CUL1: variants seen among roughly 807,000 people sequenced by gnomAD.
CUL1 encodes the protein cullin 1.
A neutral mutation model predicts 118.0 loss-of-function variants in CUL1; 24 were observed. That is an observed-to-expected ratio of 0.20 (90% CI 0.15 to 0.29). The LOEUF is 0.29. CUL1 is among the 10% of genes least tolerant of loss of function. CUL1 has a pLI of 1.00. For missense variants in CUL1, 361 were observed against 933.8 expected (o/e 0.39, Z 7.99); for synonymous variants, 332 against 340.4 (o/e 0.98, Z 0.27).
intron 11 of CUL1, among the ~76,000 whole-genome samples, chr7:148,784,687 A>G (rs1800760097): frequency 6.6e-6 from 1 of 152,218 alleles, no homozygotes; most frequent in Non-Finnish European, 1.5e-5. Flanking sequence ...TAAGTTTTAA[A>G]GATTTTAATG....
Position 148,729,106 on chromosome 7 carries a change from C to T in CUL1, c.-161-856C>T, listed in dbSNP as rs530023227. ...TGCATTGAGAAGTATTGGTTTGATA[C>T]AATATTGAATACCTAAGTTACTTTA... is the stretch of plus-strand genomic sequence containing the variant. On this transcript the variant is annotated intron_variant, in intron 1 of 21. Transcript: ENST00000325222. 1.1e-4 allele frequency among the ~76,000 whole-genome samples: 17 copies of T among 152,260 alleles called. No individual in the cohort carries two copies. In the South Asian group the frequency reaches 2.3e-3, roughly 20 times the overall value.
At chr7:148,754,268 G>A in intron 3 of CUL1, 118 bp downstream of exon 3, 1 of 654,088 alleles carries the variant, frequency 1.5e-6, no homozygotes, top group Non-Finnish European at 2.5e-6. Context: ...CACTAACGTA[G>A]GTGACAGTGT....
intron 7 of CUL1, among the ~76,000 whole-genome samples, chr7:148,764,004 G>A (rs556025181): frequency 6.6e-6 from 1 of 151,518 alleles, no homozygotes; most frequent in East Asian, 1.9e-4. Context: ...AGTGAACCAT[G>A]TTAGTGTTTC....
intron 7 of CUL1, among the ~76,000 whole-genome samples, chr7:148,765,905 A>G (rs1286122750): frequency 6.6e-6 from 1 of 152,194 alleles, no homozygotes; most frequent in East Asian, 1.9e-4. Context: ...CAGAAGATGC[A>G]TTCATTTCTT....
At chr7:148,755,845 G>GT (rs1192508935) in intron 3 of CUL1, among the ~76,000 whole-genome samples, 1 of 152,162 alleles carries the variant, frequency 6.6e-6, no homozygotes, top group Non-Finnish European at 1.5e-5. Context: ...GGTCACTCGT[G>GT]TACCTTATAC....
At chr7:148,750,610 C>T (rs564122008) in intron 2 of CUL1, among the ~76,000 whole-genome samples, 1 of 152,170 alleles carries the variant, frequency 6.6e-6, no homozygotes, top group South Asian at 2.1e-4. Flanking sequence ...TCATCCATGT[C>T]CGTGGTAAAG....
intron 2 of CUL1, among the ~76,000 whole-genome samples, chr7:148,745,878 A>G (rs1227787962): frequency 6.6e-6 from 1 of 152,010 alleles, no homozygotes; most frequent in East Asian, 1.9e-4. Context: ...TTCAATTTAG[A>G]TATACGTTGA....
At chr7:148,710,701 T>C (rs1798023614) in intron 1 of CUL1, among the ~76,000 whole-genome samples, 1 of 151,992 alleles carries the variant, frequency 6.6e-6, no homozygotes, top group Admixed American at 6.5e-5. Context: ...TGTTGTCTCC[T>C]AGGCTGGAGT....
chr7:148,796,511 A>G (rs6946300), intron 17 of CUL1, among the ~76,000 whole-genome samples: 120,000 of 152,210 alleles, frequency 0.79, 48,209 homozygotes, highest in African/African-American at 0.95. Flanking sequence ...CTATTTTGTA[A>G]TCATTCTTCG....
rs150009290 is a variant in CUL1, at chr7:148,754,859, G to A, written c.315+709G>A. 5.4e-3 allele frequency among the ~76,000 whole-genome samples: 825 copies of A among 151,584 alleles called. 13 individuals carry two copies. The highest frequency in any genetic ancestry group is 0.02 in the African/African-American group (806 of 41,328). ...ACTCCTGGGATCAAACAATCCTCCC[G>A]CCTTAGCCTTCTGAGTAGCTAGGAC... On this transcript the variant is annotated intron_variant, in intron 3 of 21. Transcript: ENST00000325222.
chr7:148,769,882 A>G (rs1364451343), intron 9 of CUL1, among the ~76,000 whole-genome samples: 3 of 151,988 alleles, frequency 2.0e-5, no homozygotes, highest in East Asian at 3.8e-4. Context: ...GGAAGAAAGA[A>G]AAAAAAAGCA....
chr7:148,712,293 T>C (rs1798076579), intron 1 of CUL1, among the ~76,000 whole-genome samples: 1 of 152,226 alleles, frequency 6.6e-6, no homozygotes, highest in African/African-American at 2.4e-5. Flanking sequence ...GTTAAACATG[T>C]ATTTCATGGT....
At chr7:148,735,091 A>T (rs1798895192) in intron 2 of CUL1, among the ~76,000 whole-genome samples, 1 of 152,184 alleles carries the variant, frequency 6.6e-6, no homozygotes, top group African/African-American at 2.4e-5. Flanking sequence ...AGATTGGTTG[A>T]TTTGAGAATC....
chr7:148,742,869 G>T (rs1438624429), intron 2 of CUL1, among the ~76,000 whole-genome samples: 2 of 152,102 alleles, frequency 1.3e-5, no homozygotes, highest in Non-Finnish European at 2.9e-5. Context: ...CTCCCAAAGT[G>T]CTGGGATTAC....
intron 2 of CUL1, among the ~76,000 whole-genome samples, chr7:148,746,628 A>G (rs984589867): frequency 6.6e-6 from 1 of 152,232 alleles, no homozygotes; most frequent in Non-Finnish European, 1.5e-5. Context: ...AATGGACTCT[A>G]TGTAAAACCA....
chr7:148,703,305 C>T (rs1298744374), intron 1 of CUL1, among the ~76,000 whole-genome samples: 1 of 152,162 alleles, frequency 6.6e-6, no homozygotes, highest in Non-Finnish European at 1.5e-5. Flanking sequence ...AGCATAGACA[C>T]GAACAGTTCT....
intron 1 of CUL1, among the ~76,000 whole-genome samples, chr7:148,706,542 G>A (rs1797889938): frequency 6.6e-6 from 1 of 151,928 alleles, no homozygotes; most frequent in Non-Finnish European, 1.5e-5. Flanking sequence ...TACCAACAAG[G>A]GACTCAAAAC....
At chr7:148,778,617 T>G in intron 9 of CUL1, among the ~76,000 whole-genome samples, 1 of 152,206 alleles carries the variant, frequency 6.6e-6, no homozygotes, top group Non-Finnish European at 1.5e-5. Flanking sequence ...CTCCCCTTTT[T>G]AAGGAAAAAT....
At chr7:148,732,018 C>T (rs751164759) in intron 2 of CUL1, among the ~76,000 whole-genome samples, 1 of 152,100 alleles carries the variant, frequency 6.6e-6, no homozygotes, top group Non-Finnish European at 1.5e-5. Context: ...TTCTGGTCTC[C>T]AGGGTGTGTA....
Sources: allele counts gnomAD v4.1 joint callset (sites outside exome capture counted in the v4.1 genomes callset), GRCh38; gene constraint gnomAD v4.1.1; transcripts MANE v1.5; gene names NCBI Gene and HGNC (gene_info 2026-07-23, HGNC 2026-07-21).